CFAP299: variants seen among roughly 807,000 people sequenced by gnomAD.
CFAP299 encodes cilia- and flagella-associated protein 299.
Under a neutral mutation model 27.0 loss-of-function variants are expected in CFAP299, and 21 were observed. The observed-to-expected ratio is 0.78, with a 90% confidence interval of 0.55 to 1.12. The LOEUF (loss-of-function observed/expected upper bound fraction) is 1.12, where lower values mean the gene tolerates loss of function less well. Among genes scored for constraint, CFAP299 ranks in the 50% most tolerant of loss-of-function variants. The pLI, the probability that CFAP299 is intolerant of heterozygous loss-of-function variation, is 0.00. For missense variants in CFAP299, 310 were observed against 276.6 expected (o/e 1.12, Z -0.86); for synonymous variants, 104 against 98.1 (o/e 1.06, Z -0.36).
chr4:80,882,481 ACAAAAAATTAGC>A (rs1733753134), intron 4 of CFAP299, among the ~76,000 whole-genome samples: 1 of 151,972 alleles, frequency 6.6e-6, no homozygotes, highest in Admixed American at 6.6e-5. Context: ...TACTAAAAGT[ACAAAAAATTAGC>A]CGGGCGCGGT....
intron 3 of CFAP299, among the ~76,000 whole-genome samples, chr4:80,627,575 C>T (rs1254493558): frequency 2.0e-5 from 3 of 151,716 alleles, no homozygotes; most frequent in Admixed American, 1.3e-4. Flanking sequence ...AGGCATGACC[C>T]TATATACAGA....
chr4:80,613,122 G>A (rs1457706731), intron 3 of CFAP299, among the ~76,000 whole-genome samples: 1 of 152,102 alleles, frequency 6.6e-6, no homozygotes, highest in African/African-American at 2.4e-5. Context: ...ATTTCCCCAA[G>A]GCTAGTAAGT....
intron 5 of CFAP299, among the ~76,000 whole-genome samples, chr4:80,957,054 T>G (rs559866840): frequency 1.3e-5 from 2 of 152,294 alleles, no homozygotes; most frequent in South Asian, 4.1e-4. Context: ...TCTTCTAAAT[T>G]TGTTTATCGT....
intron 3 of CFAP299, among the ~76,000 whole-genome samples, chr4:80,851,530 T>G (rs1731521531): frequency 6.6e-6 from 1 of 152,080 alleles, no homozygotes; most frequent in African/African-American, 2.4e-5. Context: ...AAAGAAGGAA[T>G]GATTGCCTTT....
intron 2 of CFAP299, among the ~76,000 whole-genome samples, chr4:80,524,981 A>G (rs1017065066): frequency 6.6e-6 from 1 of 152,096 alleles, no homozygotes; most frequent in African/African-American, 2.4e-5. Context: ...ATGTGTCTGT[A>G]TGACAAGGCC....
At chr4:80,538,120 T>A (rs576869404) in intron 2 of CFAP299, among the ~76,000 whole-genome samples, 1 of 152,240 alleles carries the variant, frequency 6.6e-6, no homozygotes, top group South Asian at 2.1e-4. Context: ...ACATAGCTAT[T>A]GTAACATTGC....
At chr4:80,902,511 C>CATATATACATATATGT (rs1734969416) in intron 4 of CFAP299, among the ~76,000 whole-genome samples, 1 of 100,564 alleles carries the variant, frequency 9.9e-6, no homozygotes, top group African/African-American at 5.9e-5. Context: ...GATATATATC[C>CATATATACATATATGT]ATATGTATGG....
intron 4 of CFAP299, among the ~76,000 whole-genome samples, chr4:80,879,016 A>T (rs1332068749): frequency 1.3e-5 from 2 of 152,140 alleles, no homozygotes; most frequent in African/African-American, 2.4e-5. Flanking sequence ...TAGCTTCCCT[A>T]TCTCATCTCT....
intron 4 of CFAP299, among the ~76,000 whole-genome samples, chr4:80,914,234 C>T (rs1349750315): frequency 6.6e-6 from 1 of 152,182 alleles, no homozygotes; most frequent in Non-Finnish European, 1.5e-5. Context: ...ATGATAAGCA[C>T]ATGTTTAATG....
chr4:80,488,611 C>G (rs60770229), intron 2 of CFAP299, among the ~76,000 whole-genome samples: 6,169 of 151,904 alleles, frequency 0.041, 445 homozygotes, highest in African/African-American at 0.14. Flanking sequence ...GTAGCTGGGA[C>G]TAAAGGCACC....
At chr4:80,803,249 G>A (rs76814222) in intron 3 of CFAP299, among the ~76,000 whole-genome samples, 2,205 of 151,928 alleles carry the variant, frequency 0.015, 51 homozygotes, top group African/African-American at 0.049. Flanking sequence ...GTGCAATAAG[G>A]GTAATTATTA....
intron 4 of CFAP299, among the ~76,000 whole-genome samples, chr4:80,877,640 A>G (rs1024561525): frequency 6.6e-5 from 10 of 152,124 alleles, no homozygotes. Context: ...ACTCTACATA[A>G]GATTTTTTCC....
chr4:80,362,828 T>G lies in CFAP299; in HGVS notation c.186T>G (p.Phe62Leu). 6.2e-7 allele frequency: 1 copy of G among 1,613,180 alleles called. No individual in the cohort carries two copies. The highest frequency in any genetic ancestry group is 8.5e-7 in the Non-Finnish European group (1 of 1,179,780). The change falls in exon 2 of 6, where the codon TTT becomes TTG. Residue 62 changes from phenylalanine (F) to leucine (L), a missense_variant. Phe to Leu is a conservative substitution (Grantham distance 22). Transcript: ENST00000358105. ...GAGAGAGAGTGAAAAGGGAAGATTT[T>G]GAAGCAAGGAAAGCGGCTATAGAGA... ...GTGERVKRED[F>L]EARKAAIEIA...
chr4:80,645,474 G>A (rs115423297), intron 3 of CFAP299, among the ~76,000 whole-genome samples: 1,725 of 152,088 alleles, frequency 0.011, 26 homozygotes, highest in African/African-American at 0.039. Flanking sequence ...TCACAGATTT[G>A]ATACATAAAT....
chr4:80,481,604 G>A (rs1730573568), intron 2 of CFAP299, among the ~76,000 whole-genome samples: 1 of 151,952 alleles, frequency 6.6e-6, no homozygotes, highest in Non-Finnish European at 1.5e-5. Context: ...AAAACTGGAA[G>A]GGAGCTTACA....
the CFAP299 span, among the ~76,000 whole-genome samples, chr4:80,326,496 G>A: frequency 2.0e-5 from 3 of 152,182 alleles, no homozygotes; most frequent in East Asian, 3.8e-4. Context: ...GGGCATAGTC[G>A]CTACAGTGGT....
intron 4 of CFAP299, among the ~76,000 whole-genome samples, chr4:80,943,526 G>A (rs112275993): frequency 6.6e-6 from 1 of 152,188 alleles, no homozygotes; most frequent in African/African-American, 2.4e-5. Flanking sequence ...ACAAACATTT[G>A]AGAGGCACCC....
intron 3 of CFAP299, among the ~76,000 whole-genome samples, chr4:80,656,208 G>A (rs906539702): frequency 9.2e-5 from 14 of 151,870 alleles, no homozygotes; most frequent in African/African-American, 3.4e-4. Flanking sequence ...ATTATTACAG[G>A]ACCATTGAGA....
At chr4:80,460,272 C>T (rs924360151) in intron 2 of CFAP299, among the ~76,000 whole-genome samples, 4 of 152,064 alleles carry the variant, frequency 2.6e-5, no homozygotes, top group African/African-American at 7.2e-5. Context: ...TAGGGGGAGC[C>T]GGTGTGCCAG....
Sources: allele counts gnomAD v4.1 joint callset (sites outside exome capture counted in the v4.1 genomes callset), GRCh38; gene constraint gnomAD v4.1.1; transcripts MANE v1.5; gene names NCBI Gene and HGNC (gene_info 2026-07-23, HGNC 2026-07-21).